APOL5: variants seen among roughly 807,000 people sequenced by gnomAD.
APOL5 encodes the protein apolipoprotein L, 5.
A neutral mutation model predicts 35.5 loss-of-function variants in APOL5; 29 were observed. That is an observed-to-expected ratio of 0.82 (90% confidence interval 0.61 to 1.11). The LOEUF is 1.11. Ranked by LOEUF, APOL5 falls within the 50% of genes most tolerant of loss-of-function variation. The pLI is 0.00. For missense variants in APOL5, 514 were observed against 530.4 expected (o/e 0.97, Z 0.30); for synonymous variants, 188 against 200.2 (o/e 0.94, Z 0.51).
chr22:35,726,738 G>T lies in APOL5; in HGVS notation c.670G>T (p.Glu224Ter). 1 of 1,614,198 alleles carries T rather than the reference G, an allele frequency of 6.2e-7. No individual in the cohort carries two copies. Among genetic ancestry groups the T allele is most frequent in the Non-Finnish European group, 8.5e-7 (1 of 1,180,036 alleles). ...CGGAGGAATAAATTGGTCTGAAATCGAGGCTGCTGGCTTTTGTGTTAATAA... is the reference window on the plus strand; with the variant it reads ...CGGAGGAATAAATTGGTCTGAAATCTAGGCTGCTGGCTTTTGTGTTAATAA... ...AFGGINWSEI[E>*]AAGFCVNKCV... The change falls in exon 3 of 5, where the codon GAG becomes TAG. Residue 224 changes from glutamate to a stop codon, truncating the protein, a stop_gained. Coordinates refer to ENST00000249044, the MANE Select transcript of APOL5 (RefSeq NM_030642.1). LOFTEE classifies it high-confidence loss of function.
chr22:35,726,526 T>TG lies in APOL5; in HGVS notation c.458_459insG (p.Ile153MetfsTer41). On this transcript the variant is annotated frameshift_variant, in exon 3 of 5. Coordinates refer to ENST00000249044, the MANE Select transcript of APOL5 (RefSeq NM_030642.1). LOFTEE classifies it high-confidence loss of function. ...GGGGCTGTTTCTGGGGTCATGAACA[T>TG]CCTGGGTTTGGCCCTAGCACCTGTG... is the stretch of plus-strand genomic sequence containing the variant. 6.2e-7 allele frequency: 1 copy of TG among 1,614,162 alleles called. No homozygotes were observed. Among genetic ancestry groups the TG allele is most frequent in the Non-Finnish European group, 8.5e-7 (1 of 1,180,020 alleles).
upstream of APOL5, chr22:35,717,767 A>ATAAAT: frequency 2.2e-6 from 1 of 461,054 alleles, no homozygotes; most frequent in Non-Finnish European, 3.1e-6. Context: ...AGAAAAGAAA[A>ATAAAT]GAAAAAAAAA....
intron 2 of APOL5, among the ~76,000 whole-genome samples, chr22:35,721,786 C>T (rs933713896): frequency 3.9e-5 from 6 of 152,174 alleles, no homozygotes; most frequent in Admixed American, 3.9e-4. Context: ...CATTCAGACT[C>T]TCCCACAGAG....
chr22:35,721,811 T>G (rs187684575), intron 2 of APOL5, among the ~76,000 whole-genome samples: 1 of 152,170 alleles, frequency 6.6e-6, no homozygotes, highest in East Asian at 1.9e-4. Context: ...GCTGCAGCAA[T>G]AGACTCACAA....
chr22:35,717,849 T>A, upstream of APOL5: 1 of 1,550,056 alleles, frequency 6.5e-7, no homozygotes. Context: ...TATTATAAGC[T>A]TAAATTTTAA....
intron 2 of APOL5, among the ~76,000 whole-genome samples, chr22:35,725,422 C>A (rs1202977016): frequency 6.6e-6 from 1 of 151,974 alleles, no homozygotes; most frequent in East Asian, 1.9e-4. Flanking sequence ...ACCCGGCTAA[C>A]TTTTGTATTT....
chr22:35,726,141 T>C, intron 2 of APOL5, 70 bp from the exon 3 acceptor site: 2 of 1,538,572 alleles, frequency 1.3e-6, no homozygotes, highest in South Asian at 2.5e-5. Flanking sequence ...GGTTTCGACA[T>C]TGTACCTCGA....
upstream of APOL5, among the ~76,000 whole-genome samples, chr22:35,715,346 TA>T (rs775459275): frequency 3.3e-5 from 5 of 152,222 alleles, no homozygotes; most frequent in East Asian, 9.7e-4. Flanking sequence ...ATTTTAAACA[TA>T]AAAAACTTAG....
chr22:35,712,516 C>A, the APOL5 span, among the ~76,000 whole-genome samples: 3 of 152,196 alleles, frequency 2.0e-5, no homozygotes, highest in Non-Finnish European at 4.4e-5. Flanking sequence ...CCGTACCTAA[C>A]CTCGTTGTGG....
At position 35,727,703 on chromosome 22, in the gene APOL5, TAG is replaced by T. The variant is rs1927218878; in HGVS notation, c.1126+510_1126+511del. On this transcript the variant is annotated intron_variant, in intron 3 of 4. Coordinates refer to ENST00000249044, the MANE Select transcript of APOL5 (RefSeq NM_030642.1). ...TGTCCATACCAGTATCCCCAGCACCTAGCAGTGCTTGGCACATAGCCAGTGTG... is the reference window on the plus strand; with the variant it reads ...TGTCCATACCAGTATCCCCAGCACCTCAGTGCTTGGCACATAGCCAGTGTG... Among the ~76,000 whole-genome samples, 3 of 152,214 alleles carry T rather than the reference TAG, an allele frequency of 2.0e-5. No homozygotes were observed. The East Asian group carries it at 5.8e-4, about 29-fold the overall frequency.
upstream of APOL5, among the ~76,000 whole-genome samples, chr22:35,717,235 A>ATATATATATATAT (rs1555930035): frequency 1.7e-4 from 10 of 57,660 alleles, no homozygotes; most frequent in African/African-American, 7.2e-4. Flanking sequence ...AAAAAAAAAA[A>ATATATATATATAT]ATATATATAT....
chr22:35,717,750 A>G (rs560251827), upstream of APOL5: 105 of 356,544 alleles, frequency 2.9e-4, 10 homozygotes, highest in South Asian at 7.1e-3. Flanking sequence ...AAAAAAAAAA[A>G]AAAGAAAGAA....
At chr22:35,719,723 A>C (rs1242071760) in intron 1 of APOL5, among the ~76,000 whole-genome samples, 1 of 113,702 alleles carries the variant, frequency 8.8e-6, no homozygotes. Context: ...ACCCCACAGC[A>C]GCCCCATCTA....
the APOL5 span, among the ~76,000 whole-genome samples, chr22:35,711,659 CCTCT>C: frequency 9.3e-6 from 1 of 107,668 alleles, no homozygotes; most frequent in Non-Finnish European, 2.1e-5. Context: ...TCCCTCCCTC[CCTCT>C]CTTCCTCCCT....
At chr22:35,716,641 G>C (rs886849566), upstream of APOL5, among the ~76,000 whole-genome samples, 8 of 152,104 alleles carry the variant, frequency 5.3e-5, no homozygotes, top group Non-Finnish European at 7.3e-5. Flanking sequence ...AAGTGCAAAA[G>C]TATTTTGTCA....
chr22:35,715,794 C>T (rs1926725901), upstream of APOL5, among the ~76,000 whole-genome samples: 1 of 152,146 alleles, frequency 6.6e-6, no homozygotes, highest in Non-Finnish European at 1.5e-5. Context: ...ACATCTCTGC[C>T]TTCAAGGTGA....
intron 2 of APOL5, among the ~76,000 whole-genome samples, chr22:35,725,027 C>T (rs374788543): frequency 1.3e-5 from 2 of 152,276 alleles, no homozygotes; most frequent in East Asian, 3.9e-4. Context: ...CACACGGCCA[C>T]CCCCACCCAG....
upstream of APOL5, among the ~76,000 whole-genome samples, chr22:35,715,772 C>T (rs1926724968): frequency 6.6e-6 from 1 of 152,134 alleles, no homozygotes; most frequent in African/African-American, 2.4e-5. Flanking sequence ...GGCAGGAAAG[C>T]GCAGATAACA....
chr22:35,718,927 T>C (rs189516061), intron 1 of APOL5, among the ~76,000 whole-genome samples: 2 of 151,870 alleles, frequency 1.3e-5, no homozygotes, highest in Non-Finnish European at 2.9e-5. Context: ...GGCATGGTGG[T>C]GCGCACCTAT....
Sources: gnomAD v4.1 joint callset for allele counts (sites outside exome capture counted in the v4.1 genomes callset) on GRCh38, gnomAD v4.1.1 for gene constraint, MANE v1.5 for transcripts, NCBI Gene and HGNC (gene_info 2026-07-23, HGNC 2026-07-21) for gene names.